TTC28: variants seen among roughly 807,000 people sequenced by gnomAD.
TTC28 encodes tetratricopeptide repeat protein 28.
Under a neutral mutation model 198.0 loss-of-function variants are expected in TTC28, and 61 were observed. The ratio of observed to expected loss-of-function variants is 0.31; its 90% CI spans 0.25 to 0.38. The LOEUF (loss-of-function observed/expected upper bound fraction) is 0.38, where lower values mean the gene tolerates loss of function less well. Ranked by LOEUF, TTC28 falls within the 10% of genes least tolerant of loss-of-function variation. The pLI, the probability that TTC28 is intolerant of heterozygous loss-of-function variation, is 1.00. For missense variants in TTC28, 2,678 were observed against 3,164.0 expected, an observed-to-expected ratio of 0.85 and a Z score of 3.69; for synonymous variants, 1,171 against 1,297.8, an observed-to-expected ratio of 0.90 and a Z score of 2.10.
At chr22:28,126,192 T>A (rs1942909831) in intron 6 of TTC28, among the ~76,000 whole-genome samples, 1 of 152,000 alleles carries the variant, frequency 6.6e-6, no homozygotes, top group Non-Finnish European at 1.5e-5. Context: ...TTGACAAGAG[T>A]CCCTCTCCTT....
rs1364674129 is a variant in TTC28, at chr22:28,541,163, A to G, written c.381+88389T>C. On this transcript the variant is annotated intron_variant, in intron 2 of 22. Transcript: ENST00000397906. ...CAGATACCACATCTATGCTCTGCCA[A>G]AACAATAGAAAAATGAACAACGTAT... is the stretch of plus-strand genomic sequence containing the variant. Among the ~76,000 whole-genome samples, 8 of 152,238 alleles carry G rather than the reference A, an allele frequency of 5.3e-5. 1 individual carries two copies. The highest frequency in any genetic ancestry group is 5.2e-4 in the Admixed American group (8 of 15,282).
At chr22:28,289,200 T>C (rs2044741602) in intron 5 of TTC28, among the ~76,000 whole-genome samples, 1 of 152,020 alleles carries the variant, frequency 6.6e-6, no homozygotes, top group Non-Finnish European at 1.5e-5. Flanking sequence ...AATGCAGAAA[T>C]AGGCACAGAT....
chr22:27,989,018 C>T (rs1235400596), intron 21 of TTC28, among the ~76,000 whole-genome samples: 1 of 152,228 alleles, frequency 6.6e-6, no homozygotes, highest in African/African-American at 2.4e-5. Context: ...TGACACATAA[C>T]AGGTGTTCAA....
intron 5 of TTC28, among the ~76,000 whole-genome samples, chr22:28,235,902 A>G (rs1271046682): frequency 6.6e-6 from 1 of 152,230 alleles, no homozygotes; most frequent in Non-Finnish European, 1.5e-5. Flanking sequence ...TTCAGGTTAG[A>G]ATATGCCAAT....
intron 1 of TTC28, among the ~76,000 whole-genome samples, chr22:28,638,569 T>C (rs947303281): frequency 6.6e-6 from 1 of 152,168 alleles, no homozygotes; most frequent in Non-Finnish European, 1.5e-5. Context: ...TTTCTTAGTA[T>C]GGATAAAGCT....
intron 2 of TTC28, among the ~76,000 whole-genome samples, chr22:28,381,972 G>A (rs891672235): frequency 3.9e-5 from 6 of 152,006 alleles, no homozygotes; most frequent in Admixed American, 1.3e-4. Context: ...CCAATTCCTC[G>A]GCAAATAGGC....
chr22:28,678,339 A>G (rs540082506), intron 1 of TTC28, among the ~76,000 whole-genome samples: 1 of 152,282 alleles, frequency 6.6e-6, no homozygotes, highest in South Asian at 2.1e-4. Context: ...CTCAGCCTCC[A>G]GAGTAGCTGA....
Position 27,979,950 on chromosome 22 carries a change from G to A in TTC28, c.*2271C>T, listed in dbSNP as rs1936959394. On this transcript the variant is annotated 3_prime_UTR_variant, in exon 23 of 23. Transcript: ENST00000397906. ...TGAAACCTAAAACAACGATGTACAT[G>A]GGACTAAAACCAGGTTAGAGTCCAT... The A allele has an allele frequency of 6.6e-6, 1 of 152,170 alleles. No individual in the cohort carries two copies. Among genetic ancestry groups the A allele is most frequent in the Admixed American group, 6.6e-5 (1 of 15,266 alleles). 9.4% of individuals were successfully genotyped at this position (152,170 alleles called of 1,614,324 possible).
intron 12 of TTC28, among the ~76,000 whole-genome samples, chr22:28,080,242 A>AT (rs1218078539): frequency 6.6e-6 from 1 of 152,094 alleles, no homozygotes; most frequent in Non-Finnish European, 1.5e-5. Flanking sequence ...CACTAATTCT[A>AT]TTTTTTAGAG....
intron 5 of TTC28, among the ~76,000 whole-genome samples, chr22:28,257,297 A>G (rs1410220959): frequency 6.6e-6 from 1 of 152,074 alleles, no homozygotes; most frequent in Non-Finnish European, 1.5e-5. Context: ...AGATACCTGT[A>G]CTCCCATGTT....
At chr22:28,205,374 C>G (rs1025965155) in intron 5 of TTC28, among the ~76,000 whole-genome samples, 1 of 152,064 alleles carries the variant, frequency 6.6e-6, no homozygotes, top group African/African-American at 2.4e-5. Flanking sequence ...GCAGCACAGT[C>G]ATTAATACAC....
Position 28,550,378 on chromosome 22 carries a change from T to G in TTC28, c.381+79174A>C, listed in dbSNP as rs183646956. 5.9e-5 allele frequency among the ~76,000 whole-genome samples: 9 copies of G among 152,206 alleles called. No individual in the cohort carries two copies. In the East Asian group the frequency reaches 1.7e-3, roughly 29 times the overall value. ...TTTCATTATCCTCATTCAAGCTACATCTCCTTAAAGACAAGACTATTTTAG... is the reference window on the plus strand; with the variant it reads ...TTTCATTATCCTCATTCAAGCTACAGCTCCTTAAAGACAAGACTATTTTAG... On this transcript the variant is annotated intron_variant, in intron 2 of 22. Coordinates refer to ENST00000397906, the MANE Select transcript of TTC28 (RefSeq NM_001145418.2).
chr22:28,425,995 G>C (rs1346138819), intron 2 of TTC28, among the ~76,000 whole-genome samples: 1 of 152,146 alleles, frequency 6.6e-6, no homozygotes, highest in Non-Finnish European at 1.5e-5. Context: ...TGGATCACTT[G>C]AGGTCAGGAG....
chr22:28,548,353 G>A (rs2049587685), intron 2 of TTC28, among the ~76,000 whole-genome samples: 1 of 152,218 alleles, frequency 6.6e-6, no homozygotes, highest in African/African-American at 2.4e-5. Context: ...GTATGAGGTA[G>A]GGTAAGCGGA....
At chr22:28,398,827 C>CTA (rs1555986537) in intron 2 of TTC28, among the ~76,000 whole-genome samples, 1 of 152,122 alleles carries the variant, frequency 6.6e-6, no homozygotes, top group Non-Finnish European at 1.5e-5. Flanking sequence ...TAAACATGAC[C>CTA]TATCAAGTGA....
At chr22:28,334,516 G>T (rs1331553130) in intron 2 of TTC28, among the ~76,000 whole-genome samples, 1 of 152,152 alleles carries the variant, frequency 6.6e-6, no homozygotes, top group Non-Finnish European at 1.5e-5. Flanking sequence ...AGCACCTGTT[G>T]TTTCCTGACT....
chr22:28,260,153 T>C (rs1226752331), intron 5 of TTC28, among the ~76,000 whole-genome samples: 2 of 152,188 alleles, frequency 1.3e-5, no homozygotes, highest in African/African-American at 4.8e-5. Context: ...CAATCACATG[T>C]CCTAAAGCAT....
chr22:28,439,584 C>T (rs539595948), intron 2 of TTC28, among the ~76,000 whole-genome samples: 2 of 152,310 alleles, frequency 1.3e-5, no homozygotes, highest in Admixed American at 6.5e-5. Flanking sequence ...AGTCACTTCA[C>T]CCCTCTAAAC....
intron 1 of TTC28, among the ~76,000 whole-genome samples, chr22:28,663,044 C>G (rs943550000): frequency 6.6e-6 from 1 of 151,896 alleles, no homozygotes; most frequent in African/African-American, 2.4e-5. Context: ...GTCAGGAGAT[C>G]GAGACCATCC....
Sources: allele counts gnomAD v4.1 joint callset (sites outside exome capture counted in the v4.1 genomes callset), GRCh38; gene constraint gnomAD v4.1.1; transcripts MANE v1.5; gene names NCBI Gene and HGNC (gene_info 2026-07-23, HGNC 2026-07-21).